The following LYPD5 variants were observed in gnomAD, a reference collection of about 807,000 sequenced individuals.
The protein encoded by LYPD5 is LY6/PLAUR domain containing 5.
LYPD5 carries 21 observed loss-of-function variants against 19.1 expected under a neutral mutation model. The ratio of observed to expected loss-of-function variants is 1.10; its 90% CI spans 0.78 to 1.58. LYPD5 has a LOEUF of 1.58. Ranked by LOEUF, LYPD5 falls within the 40% of genes most tolerant of loss-of-function variation. LYPD5 has a pLI of 0.00. For synonymous variants in LYPD5, 128 were observed against 142.7 expected (o/e 0.90, Z 0.74); for missense variants, 287 against 329.8 (o/e 0.87, Z 1.00).
upstream of LYPD5, among the ~76,000 whole-genome samples, chr19:43,803,861 G>A (rs370152500): frequency 1.2e-3 from 183 of 151,694 alleles, 1 homozygote; most frequent in South Asian, 8.8e-3. Context: ...TTTTTGAGAC[G>A]GCGTCTCACT....
intron 1 of LYPD5, among the ~76,000 whole-genome samples, chr19:43,800,281 C>T (rs922034642): frequency 6.6e-6 from 1 of 152,172 alleles, no homozygotes; most frequent in African/African-American, 2.4e-5. Flanking sequence ...TCAGCCCCAG[C>T]AACACACAAA....
rs757588163 is a variant in LYPD5 at position 43,811,673 on chromosome 19, G to GAGAA, written c.-66+8863_-66+8866dup. ...TGCCCTCTAGCCTGGGTGACAAAGG[G>GAGAA]AGAAAGAAAGAAAGAAAGAAAGAAG... On this transcript the variant is annotated intron_variant, in intron 1 of 4. Transcript: ENST00000414615. Among the ~76,000 whole-genome samples the GAGAA allele has an allele frequency of 4.0e-3, 501 of 126,460 alleles. 2 individuals are homozygous for GAGAA. Among genetic ancestry groups the GAGAA allele is most frequent in the African/African-American group, 6.5e-3 (219 of 33,722 alleles). The allele number at this position is 126,460 out of a possible 152,430, so 83.0% of individuals were successfully genotyped here.
Position 43,799,690 on chromosome 19 carries a change from G to A in LYPD5, c.193+16C>T, listed in dbSNP as rs751506948. ...CCCTAATCTCTCATCCCTGTCCCCC[G>A]GCTCCCGCTCCTTACCGGTGTCCAG... On this transcript the variant is annotated intron_variant, in intron 2 of 4. Coordinates refer to ENST00000377950, the MANE Select transcript of LYPD5 (RefSeq NM_001031749.3). 26 of 1,607,960 alleles carry A rather than the reference G, an allele frequency of 1.6e-5. No homozygotes were observed. Among genetic ancestry groups the A allele is most frequent in the African/African-American group, 4.0e-5 (3 of 74,540 alleles).
At chr19:43,814,250 A>G (rs112746617) in intron 1 of LYPD5, among the ~76,000 whole-genome samples, 1,958 of 152,252 alleles carry the variant, frequency 0.013, 38 homozygotes, top group African/African-American at 0.045. Flanking sequence ...CCAGCACTTT[A>G]TGAGTCTCAG....
chr19:43,819,321 G>A (rs191665346), intron 1 of LYPD5, among the ~76,000 whole-genome samples: 398 of 83,684 alleles, frequency 4.8e-3, no homozygotes, highest in African/African-American at 0.018. Flanking sequence ...GTTTGCTCTT[G>A]TTGCCCAGGT....
chr19:43,809,430 G>T (rs547363780), intron 1 of LYPD5, among the ~76,000 whole-genome samples: 1 of 151,614 alleles, frequency 6.6e-6, no homozygotes, highest in African/African-American at 2.4e-5. Flanking sequence ...ACCCAGGCTG[G>T]AGTGCAATGG....
chr19:43,806,576 C>A (rs906991229), upstream of LYPD5, among the ~76,000 whole-genome samples: 1 of 151,984 alleles, frequency 6.6e-6, no homozygotes, highest in African/African-American at 2.4e-5. Context: ...GCAAGAGAAT[C>A]CTTGAACACG....
At chr19:43,811,562 TA>T (rs1296391467) in intron 1 of LYPD5, among the ~76,000 whole-genome samples, 3 of 152,096 alleles carry the variant, frequency 2.0e-5, no homozygotes, top group Non-Finnish European at 4.4e-5. Context: ...GGTGGGCACC[TA>T]TAATCCCAGC....
At chr19:43,797,858 G>C in intron 4 of LYPD5, 29 bp from the exon 5 acceptor site, 1 of 1,542,316 alleles carries the variant, frequency 6.5e-7, no homozygotes, top group Non-Finnish European at 8.9e-7. Context: ...GTGAGGAACG[G>C]TCAGAACTGA....
At chr19:43,809,288 C>G (rs1291538719) in intron 1 of LYPD5, among the ~76,000 whole-genome samples, 2 of 152,154 alleles carry the variant, frequency 1.3e-5, no homozygotes, top group Non-Finnish European at 2.9e-5. Context: ...CTGCCCACCT[C>G]AGCCTCCCAA....
At chr19:43,810,551 CTCCCT>C (rs1568406214) in intron 1 of LYPD5, among the ~76,000 whole-genome samples, 1 of 89,506 alleles carries the variant, frequency 1.1e-5, no homozygotes, top group Non-Finnish European at 2.5e-5. Flanking sequence ...CTCCCCTCCC[CTCCCT>C]TCCCCTCCCC....
At chr19:43,811,895 GC>G (rs1294505594) in intron 1 of LYPD5, among the ~76,000 whole-genome samples, 11 of 152,096 alleles carry the variant, frequency 7.2e-5, no homozygotes, top group Non-Finnish European at 1.6e-4. Context: ...GAAACCACAA[GC>G]AAAATGTAGG....
chr19:43,819,085 A>G (rs572807873), intron 1 of LYPD5, among the ~76,000 whole-genome samples: 2 of 151,894 alleles, frequency 1.3e-5, no homozygotes, highest in East Asian at 1.9e-4. Flanking sequence ...CTATTTTTTA[A>G]TTATCTCAGA....
At position 43,798,805 on chromosome 19, in the gene LYPD5, C is replaced by A; in HGVS notation, c.370+7G>T. 1 of 1,605,454 alleles carries A rather than the reference C, an allele frequency of 6.2e-7. No homozygotes were observed. The highest frequency in any genetic ancestry group is 1.7e-4 in the Middle Eastern group (1 of 5,998). ...CTCCCGGAGCCCAGCCCCGCTCTCC[C>A]GCGCACCTTGGCTCAGGTTGGGGAG... is the stretch of plus-strand genomic sequence containing the variant. On this transcript the variant is annotated splice_region_variant and intron_variant, in intron 3 of 4. Coordinates refer to ENST00000377950, the MANE Select transcript of LYPD5 (RefSeq NM_001031749.3).
In LYPD5 at chr19:43,796,122, T is replaced by G. The variant is rs1233087976; in HGVS notation, c.*1469A>C. On this transcript the variant is annotated 3_prime_UTR_variant, in exon 5 of 5. Transcript: ENST00000377950. ...TTTATAAGGGCACTAATCCTATTCATGGGGGCTCCACCCTCATGATCTCAC... is the reference window on the plus strand; with the variant it reads ...TTTATAAGGGCACTAATCCTATTCAGGGGGGCTCCACCCTCATGATCTCAC... 1 of 152,128 alleles carries G rather than the reference T, an allele frequency of 6.6e-6. No homozygotes were observed. Among genetic ancestry groups the G allele is most frequent in the Non-Finnish European group, 1.5e-5 (1 of 68,022 alleles). The allele number at this position is 152,128 out of a possible 1,614,324, so 9.4% of individuals were successfully genotyped here.
At chr19:43,812,377 C>CT (rs1555729213) in intron 1 of LYPD5, among the ~76,000 whole-genome samples, 3,125 of 104,504 alleles carry the variant, frequency 0.03, 58 homozygotes, top group African/African-American at 0.066. Flanking sequence ...ATCTATCTAT[C>CT]AATCTATCAT....
At chr19:43,809,554 C>T (rs752997895) in intron 1 of LYPD5, among the ~76,000 whole-genome samples, 3 of 152,044 alleles carry the variant, frequency 2.0e-5, no homozygotes, top group East Asian at 1.9e-4. Flanking sequence ...ATTCACTGGG[C>T]TAATTTTTGG....
chr19:43,809,667 C>T (rs1469320137), intron 1 of LYPD5, among the ~76,000 whole-genome samples: 1 of 152,228 alleles, frequency 6.6e-6, no homozygotes, highest in Non-Finnish European at 1.5e-5. Context: ...GCTGGGATTA[C>T]AGGCGTGAGC....
chr19:43,813,264 A>G (rs928955521), intron 1 of LYPD5, among the ~76,000 whole-genome samples: 8 of 151,996 alleles, frequency 5.3e-5, no homozygotes, highest in Non-Finnish European at 1.2e-4. Context: ...CTCCCACAGT[A>G]ATGAGTTTAT....
Sources: gnomAD v4.1 joint callset for allele counts (sites outside exome capture counted in the v4.1 genomes callset) on GRCh38, gnomAD v4.1.1 for gene constraint, MANE v1.5 for transcripts, NCBI Gene and HGNC (gene_info 2026-07-23, HGNC 2026-07-21) for gene names.